Variants in UNC79 observed in about 807,000 individuals in gnomAD.
The protein encoded by UNC79 is protein unc-79 homolog.
UNC79 carries 37 observed loss-of-function variants against 283.1 expected under a neutral mutation model. The ratio of observed to expected loss-of-function variants is 0.13; its 90% CI spans 0.10 to 0.17. The LOEUF (loss-of-function observed/expected upper bound fraction) is 0.17, where lower values mean the gene tolerates loss of function less well. Ranked by LOEUF, UNC79 falls within the 10% of genes least tolerant of loss-of-function variation. The probability of loss-of-function intolerance (pLI) is 1.00; values close to 1 mark genes in which losing one functional copy is unlikely to be tolerated. For missense variants in UNC79, 2,272 were observed against 3,211.1 expected (o/e 0.71, Z 7.07); for synonymous variants, 1,107 against 1,200.2 (o/e 0.92, Z 1.61).
chr14:93,414,361 G>C (rs796079387), intron 1 of UNC79, among the ~76,000 whole-genome samples: 1 of 151,912 alleles, frequency 6.6e-6, no homozygotes, highest in African/African-American at 2.4e-5. Context: ...ATTTCTGAGG[G>C]CTCTGTTCTG....
At chr14:93,581,643 G>T (rs951714665) in intron 19 of UNC79, among the ~76,000 whole-genome samples, 1 of 151,864 alleles carries the variant, frequency 6.6e-6, no homozygotes, top group Admixed American at 6.6e-5. Context: ...ACAGGCATGT[G>T]CCACCACGCC....
At chr14:93,598,730 C>G (rs1356009919) in intron 24 of UNC79, among the ~76,000 whole-genome samples, 2 of 152,162 alleles carry the variant, frequency 1.3e-5, no homozygotes, top group Non-Finnish European at 2.9e-5. Flanking sequence ...CTATGTTGGC[C>G]AGGCTGGTCT....
In UNC79 at chr14:93,682,704, G is replaced by A; in HGVS notation, c.6819+10G>A. 2 of 1,612,806 alleles carry A rather than the reference G, an allele frequency of 1.2e-6. No homozygotes were observed. Among genetic ancestry groups the A allele is most frequent in the South Asian group, 2.2e-5 (2 of 90,904 alleles). Reference sequence around the variant, plus strand: ...AGCCTCTGTACCTGGAGTAAGTCCTGACCAAATTCATTGTCTACATACTTA... The same window carrying A: ...AGCCTCTGTACCTGGAGTAAGTCCTAACCAAATTCATTGTCTACATACTTA... On this transcript the variant is annotated intron_variant, in intron 42 of 48. Transcript: ENST00000555664.
chr14:93,442,811 G>A (rs968503132), intron 1 of UNC79, among the ~76,000 whole-genome samples: 3 of 152,112 alleles, frequency 2.0e-5, no homozygotes. Context: ...TATCCTGGCC[G>A]GACATGGTGC....
At chr14:93,654,008 C>T in exon 37 of UNC79, 1 of 1,614,094 alleles carries the variant, frequency 6.2e-7, no homozygotes, top group Non-Finnish European at 8.5e-7. Flanking sequence ...CATCGCAGCT[C>T]TCAGTCAGCT....
intron 1 of UNC79, among the ~76,000 whole-genome samples, chr14:93,378,049 A>G (rs1002882323): frequency 6.6e-6 from 1 of 152,232 alleles, no homozygotes; most frequent in African/African-American, 2.4e-5. Context: ...AAATAAGCCT[A>G]TTGGTAAATG....
intron 1 of UNC79, 84 bp downstream of exon 1, chr14:93,431,135 T>C (rs1374554401): frequency 4.6e-6 from 2 of 430,210 alleles, no homozygotes; most frequent in East Asian, 7.1e-5. Context: ...CTGGGAGACC[T>C]TGGCATTGTG....
chr14:93,610,623 T>G (rs1311673006), intron 26 of UNC79, among the ~76,000 whole-genome samples: 1 of 152,028 alleles, frequency 6.6e-6, no homozygotes, highest in Non-Finnish European at 1.5e-5. Flanking sequence ...TTCTTTTTTT[T>G]TTTTTGAGAC....
chr14:93,368,914 A>G (rs1230046321), intron 1 of UNC79, among the ~76,000 whole-genome samples: 4 of 152,236 alleles, frequency 2.6e-5, no homozygotes, highest in African/African-American at 7.2e-5. Context: ...CAGAATCCAG[A>G]TTTCACCAAA....
intron 47 of UNC79, among the ~76,000 whole-genome samples, chr14:93,700,725 G>C (rs1412243711): frequency 6.6e-6 from 1 of 152,134 alleles, no homozygotes; most frequent in Non-Finnish European, 1.5e-5. Flanking sequence ...ATTGATCAGA[G>C]CAGCAATTTT....
intron 17 of UNC79, 119 bp downstream of exon 17, chr14:93,575,317 G>A (rs1013572104): frequency 8.1e-6 from 10 of 1,242,064 alleles, no homozygotes; most frequent in Admixed American, 7.2e-5. Context: ...AGCCCATCTC[G>A]CTGTGTTCAT....
rs963671174 is a variant in UNC79, at chr14:93,579,073, A to G, written c.2433+1010A>G. Among the ~76,000 whole-genome samples, 4 of 152,148 alleles carry G rather than the reference A, an allele frequency of 2.6e-5. No individual in the cohort carries two copies. In the East Asian group the frequency reaches 7.7e-4, roughly 29 times the overall value. On this transcript the variant is annotated intron_variant, in intron 18 of 48. Coordinates refer to ENST00000555664, the Ensembl canonical transcript of UNC79. ...CAGTTATTTTGTGGACTGTCCCTCA[A>G]TTTGAGTTTGCCTGATGCTTCCTTA...
intron 14 of UNC79, among the ~76,000 whole-genome samples, chr14:93,565,050 C>T (rs973344685): frequency 6.6e-6 from 1 of 152,136 alleles, no homozygotes; most frequent in African/African-American, 2.4e-5. Context: ...AGAAGTACAG[C>T]GAAAGTGAAA....
chr14:93,497,790 A>C (rs1325484069), intron 7 of UNC79, among the ~76,000 whole-genome samples: 1 of 152,116 alleles, frequency 6.6e-6, no homozygotes, highest in Non-Finnish European at 1.5e-5. Context: ...GATGTAGACC[A>C]TCCTGGCTAA....
At chr14:93,453,839 TC>T (rs1487203609) in intron 1 of UNC79, among the ~76,000 whole-genome samples, 1 of 152,256 alleles carries the variant, frequency 6.6e-6, no homozygotes, top group East Asian at 1.9e-4. Context: ...TGTATTAATT[TC>T]TTCATCACAT....
intron 17 of UNC79, 126 bp downstream of exon 17, chr14:93,575,324 T>G (rs2063412325): frequency 8.5e-7 from 1 of 1,181,120 alleles, no homozygotes; most frequent in African/African-American, 1.6e-5. Context: ...CTCGCTGTGT[T>G]CATCTTTTAA....
At chr14:93,466,820 A>G (rs1239240900) in intron 1 of UNC79, 12 of 984,462 alleles carry the variant, frequency 1.2e-5, no homozygotes, top group Non-Finnish European at 1.4e-5. Flanking sequence ...ATTTGCAAAG[A>G]GGAATGACTA....
At chr14:93,707,590 T>C (rs1002679005), downstream of UNC79, 1 of 152,268 alleles carries the variant, frequency 6.6e-6, no homozygotes, top group Non-Finnish European at 1.5e-5. Flanking sequence ...ATAATAAATT[T>C]TATTCTTTTG....
intron 14 of UNC79, among the ~76,000 whole-genome samples, chr14:93,546,278 C>T (rs997393839): frequency 2.6e-5 from 4 of 152,174 alleles, no homozygotes; most frequent in Admixed American, 2.6e-4. Context: ...GGGCTACTAT[C>T]ATTTAAACTA....
Sources: allele counts gnomAD v4.1 joint callset (sites outside exome capture counted in the v4.1 genomes callset), GRCh38; gene constraint gnomAD v4.1.1; transcripts MANE v1.5; gene names NCBI Gene and HGNC (gene_info 2026-07-23, HGNC 2026-07-21).